The following OLFM1 variants were observed in gnomAD, a reference collection of about 807,000 sequenced individuals.
OLFM1 encodes noelin.
Under a neutral mutation model 49.7 loss-of-function variants are expected in OLFM1, and 9 were observed. The observed-to-expected ratio is 0.18, with a 90% CI of 0.11 to 0.32. The LOEUF (loss-of-function observed/expected upper bound fraction) is 0.32, where lower values mean the gene tolerates loss of function less well. Ranked by LOEUF, OLFM1 falls within the 10% of genes least tolerant of loss-of-function variation. OLFM1 has a pLI of 1.00. For missense variants in OLFM1, 369 were observed against 661.8 expected (o/e 0.56, Z 4.85); for synonymous variants, 240 against 271.8 (o/e 0.88, Z 1.15).
intron 5 of OLFM1, among the ~76,000 whole-genome samples, chr9:135,112,220 G>T (rs1245800926): frequency 6.6e-6 from 1 of 152,180 alleles, no homozygotes. Context: ...CGCCAAAAGG[G>T]CTCCATGGAA....
Position 135,088,081 on chromosome 9 carries a change from G to T in OLFM1, c.92G>T (p.Gly31Val). ...WMSQTLPSLVGLNTTKLSAAG... is the reference protein window; with the variant it reads ...WMSQTLPSLVVLNTTKLSAAG... Reference sequence around the variant, plus strand: ...TCCCAGACGCTGCCCTCGCTGGTGGGCCTCAACACCACCAAGCTCTCGGCG... The same window carrying T: ...TCCCAGACGCTGCCCTCGCTGGTGGTCCTCAACACCACCAAGCTCTCGGCG... Residue 31 changes from glycine to valine, a missense_variant, in exon 1 of 6, where the codon GGC (glycine) becomes GTC (valine). Coordinates refer to ENST00000371793, the MANE Select transcript of OLFM1 (RefSeq NM_001282611.2). This position sits in a 1 kb window ranked among gnomAD's most constrained non-coding sequence, Gnocchi z 4.8. 6.9e-7 allele frequency: 1 copy of T among 1,444,284 alleles called. No homozygotes were observed. The highest frequency in any genetic ancestry group is 9.2e-7 in the Non-Finnish European group (1 of 1,085,770). The allele number at this position is 1,444,284 out of a possible 1,614,324, so 89.5% of individuals were successfully genotyped here. A position where few individuals can be genotyped will look rare whatever the true frequency, so the allele number is the denominator to read the frequency against.
At chr9:135,091,514 CACACACAT>C (rs1830687672) in intron 2 of OLFM1, among the ~76,000 whole-genome samples, 1 of 99,534 alleles carries the variant, frequency 1.0e-5, no homozygotes, top group East Asian at 6.1e-4. Flanking sequence ...CACAGTCTCA[CACACACAT>C]AGTCACACAG....
chr9:135,101,178 C>T (rs1176048448), intron 4 of OLFM1, among the ~76,000 whole-genome samples: 3 of 152,296 alleles, frequency 2.0e-5, no homozygotes, highest in African/African-American at 4.8e-5. Context: ...AGCCGGCACC[C>T]GCTGCCGGCC....
intron 3 of OLFM1, among the ~76,000 whole-genome samples, chr9:135,097,451 G>A (rs946605614): frequency 6.6e-6 from 1 of 152,174 alleles, no homozygotes; most frequent in Non-Finnish European, 1.5e-5. Context: ...TCTAACGAGG[G>A]GGGTGTCTTC....
At position 135,119,596 on chromosome 9, in the gene OLFM1, C is replaced by T. The variant is rs772313066; in HGVS notation, c.876C>T (p.His292=). The T allele has an allele frequency of 1.9e-6, 3 of 1,614,162 alleles. No homozygotes were observed. The highest frequency in any genetic ancestry group is 2.5e-6 in the Non-Finnish European group (3 of 1,180,028). The change falls in exon 6 of 6, where the codon CAC becomes CAT. Residue 292 remains histidine, a synonymous_variant. Coordinates refer to ENST00000371793, the MANE Select transcript of OLFM1 (RefSeq NM_001282611.2). ...TGAACACGGACAATTTCACCTCCCA[C>T]CGTCTCCCCCACCCCTGGTCGGGCA... ...DFMNTDNFTS[H]RLPHPWSGTG... is the part of the protein sequence containing the mutation.
At chr9:135,094,090 G>A (rs541822816) in intron 2 of OLFM1, among the ~76,000 whole-genome samples, 33 of 152,242 alleles carry the variant, frequency 2.2e-4, no homozygotes, top group Non-Finnish European at 4.0e-4. Flanking sequence ...TCGCTCCTGG[G>A]GATTTTGCCA....
chr9:135,079,686 A>G (rs1295818333), intron 1 of OLFM1, among the ~76,000 whole-genome samples: 1 of 152,168 alleles, frequency 6.6e-6, no homozygotes, highest in African/African-American at 2.4e-5. Flanking sequence ...CCTGACTCTC[A>G]CATCCAATGC....
At chr9:135,078,368 A>T (rs1015574796) in intron 1 of OLFM1, among the ~76,000 whole-genome samples, 1 of 152,234 alleles carries the variant, frequency 6.6e-6, no homozygotes, top group Non-Finnish European at 1.5e-5. Context: ...AAACGCCTGG[A>T]TCCTACCTGC....
intron 2 of OLFM1, 106 bp downstream of exon 2, chr9:135,090,450 T>C (rs1159355856): frequency 8.5e-7 from 1 of 1,172,752 alleles, no homozygotes; most frequent in Non-Finnish European, 1.2e-6. Flanking sequence ...TTGGCTAGCT[T>C]GCAGGCCCCA....
At chr9:135,112,902 G>A (rs1430656353) in intron 5 of OLFM1, among the ~76,000 whole-genome samples, 1 of 152,168 alleles carries the variant, frequency 6.6e-6, no homozygotes, top group Non-Finnish European at 1.5e-5. Flanking sequence ...ATCACTGGGG[G>A]CATCCAGCCA....
chr9:135,075,711 C>A, exon 1 of OLFM1: 1 of 1,598,322 alleles, frequency 6.3e-7, no homozygotes, highest in Non-Finnish European at 8.5e-7. Context: ...CCCTGCATGC[C>A]AGGTCGTTGG....
At chr9:135,109,344 G>A (rs1588218607) in intron 5 of OLFM1, among the ~76,000 whole-genome samples, 4 of 152,224 alleles carry the variant, frequency 2.6e-5, no homozygotes, top group Admixed American at 6.5e-5. Context: ...AAGCTGTCGC[G>A]GTGCTGATGG....
upstream of OLFM1, among the ~76,000 whole-genome samples, chr9:135,082,774 G>A (rs1830548659): frequency 1.3e-5 from 2 of 152,174 alleles, no homozygotes; most frequent in African/African-American, 4.8e-5. Flanking sequence ...GCAATACAAA[G>A]GATGATGAAA....
At chr9:135,094,003 A>G (rs941422963) in intron 2 of OLFM1, among the ~76,000 whole-genome samples, 7 of 152,176 alleles carry the variant, frequency 4.6e-5, no homozygotes, top group African/African-American at 1.7e-4. Context: ...GGGAGCAAAA[A>G]GCCTACAGCA....
rs1366556652 is a variant in OLFM1 at position 135,113,159 on chromosome 9, G to A, written c.783+6304G>A. Among the ~76,000 whole-genome samples, 1 of 152,174 alleles carries A rather than the reference G, an allele frequency of 6.6e-6. No homozygotes were observed. The highest frequency in any genetic ancestry group is 1.5e-5 in the Non-Finnish European group (1 of 68,034). On this transcript the variant is annotated intron_variant, in intron 5 of 5. Coordinates refer to ENST00000371793, the MANE Select transcript of OLFM1 (RefSeq NM_001282611.2). The surrounding 1 kb of genome is among the most constrained non-coding windows in gnomAD (Gnocchi z 4.0). ...TTCCTTCTCTCTGGGCCTCTCTGAA[G>A]TGGGGATTTGGGGACGGGGTCCCTA...
upstream of OLFM1, among the ~76,000 whole-genome samples, chr9:135,083,668 A>G (rs986523276): frequency 2.0e-5 from 3 of 152,188 alleles, no homozygotes; most frequent in African/African-American, 7.2e-5. Context: ...CACAAACCCC[A>G]AGCACAGTGG....
chr9:135,084,322 TTC>T (rs537683074), upstream of OLFM1, among the ~76,000 whole-genome samples: 4 of 148,294 alleles, frequency 2.7e-5, no homozygotes, highest in Non-Finnish European at 5.9e-5. This position sits in a 1 kb window ranked among gnomAD's most constrained non-coding sequence, Gnocchi z 4.6. Context: ...TCTCTCTCTC[TTC>T]TCTCTCTGTC....
At chr9:135,075,623 C>G in exon 1 of OLFM1, 1 of 963,398 alleles carries the variant, frequency 1.0e-6, no homozygotes, top group East Asian at 3.3e-5. Flanking sequence ...CAGGCGCCGC[C>G]GCCGGAGCCA....
At chr9:135,086,769 G>A (rs1356205145), upstream of OLFM1, 10 of 452,586 alleles carry the variant, frequency 2.2e-5, no homozygotes, top group South Asian at 1.2e-4. Context: ...GAGGGGCAGC[G>A]TGCGCCACTT....
Sources: allele counts gnomAD v4.1 joint callset (sites outside exome capture counted in the v4.1 genomes callset), GRCh38; gene constraint gnomAD v4.1.1; non-coding constraint Gnocchi (gnomAD v3.1); transcripts MANE v1.5; gene names NCBI Gene and HGNC (gene_info 2026-07-23, HGNC 2026-07-21).